BEND3: variants seen among roughly 807,000 people sequenced by gnomAD.
BEND3 encodes the protein BEN domain containing 3.
In BEND3, 13 loss-of-function variants were observed where a neutral mutation model predicts 60.1. The ratio of observed to expected loss-of-function variants is 0.22; its 90% CI spans 0.14 to 0.34. BEND3 has a LOEUF of 0.34. Ranked by LOEUF, BEND3 falls within the 10% of genes least tolerant of loss-of-function variation. The probability of loss-of-function intolerance (pLI) is 1.00; values close to 1 mark genes in which losing one functional copy is unlikely to be tolerated. For synonymous variants in BEND3, 497 were observed against 491.5 expected (o/e 1.01, Z -0.15); for missense variants, 896 against 1,138.1 (o/e 0.79, Z 3.06).
intron 3 of BEND3, among the ~76,000 whole-genome samples, chr6:107,075,201 A>G (rs311233): frequency 0.83 from 125,380 of 151,896 alleles, 51,802 homozygotes; most frequent in East Asian, 0.89. Context: ...ACCATAGCTT[A>G]GGCGACAGAG....
At chr6:107,089,626 G>A (rs898336749) in intron 3 of BEND3, among the ~76,000 whole-genome samples, 2 of 121,630 alleles carry the variant, frequency 1.6e-5, no homozygotes, top group Non-Finnish European at 3.5e-5. Context: ...ACAGAGTCTC[G>A]CTCTGTCACC....
chr6:107,073,523 G>A (rs1436008535), intron 3 of BEND3, among the ~76,000 whole-genome samples: 1 of 151,966 alleles, frequency 6.6e-6, no homozygotes, highest in Admixed American at 6.6e-5. Context: ...AGTGCCCAGG[G>A]TACAGAAGAG....
In BEND3 at chr6:107,086,765, G is replaced by A. The variant is rs149364335; in HGVS notation, c.240+11786C>T. On this transcript the variant is annotated intron_variant, in intron 3 of 3. Coordinates refer to ENST00000369042, the MANE Select transcript of BEND3 (RefSeq NM_001367314.1). ...AAACTGGCTGGGCACAGTGGCTCAC[G>A]CCTGTAATCCCAGCACTTTGGGAGG... 6.7e-3 allele frequency among the ~76,000 whole-genome samples: 1,014 copies of A among 151,748 alleles called. 13 individuals are homozygous for A. The highest frequency in any genetic ancestry group is 0.024 in the African/African-American group (973 of 41,372).
intron 3 of BEND3, among the ~76,000 whole-genome samples, chr6:107,076,273 T>C (rs1775097408): frequency 6.6e-6 from 1 of 152,170 alleles, no homozygotes; most frequent in Admixed American, 6.5e-5. Flanking sequence ...CTGTGCTACT[T>C]GGCACTGGGT....
rs782303650 is a variant in BEND3 at position 107,069,767 on chromosome 6, C to T, written c.1424G>A (p.Arg475His). 6.8e-6 allele frequency: 11 copies of T among 1,612,756 alleles called. No individual in the cohort carries two copies. The highest frequency in any genetic ancestry group is 4.5e-5 in the East Asian group (2 of 44,864). Residue 475 changes from arginine (R) to histidine (H), a missense_variant, in exon 4 of 4, where the codon CGC becomes CAC. By Grantham distance (29) the Arg-to-His change is conservative. This residue lies in a region of BEND3 where 846 missense variants were observed against 1,036.7 expected (regional missense o/e 0.82). Transcript: ENST00000369042. Reference sequence around the variant, plus strand: ...CAGGCCCTCGAGCTCGTCGTTGATGCGCTGGGCACACTGCTGCAGCCAGGC... The same window carrying T: ...CAGGCCCTCGAGCTCGTCGTTGATGTGCTGGGCACACTGCTGCAGCCAGGC... ...EEAWLQQCAQ[R>H]INDELEGLGL...
chr6:107,085,465 G>T (rs1775324835), intron 3 of BEND3, among the ~76,000 whole-genome samples: 1 of 151,912 alleles, frequency 6.6e-6, no homozygotes, highest in African/African-American at 2.4e-5. Flanking sequence ...CTTTTCTTTT[G>T]TTTTTTCTTT....
intron 1 of BEND3, chr6:107,114,132 T>C (rs1554238923): frequency 6.6e-6 from 1 of 152,182 alleles, no homozygotes; most frequent in African/African-American, 2.4e-5. Context: ...AATAGCTACA[T>C]AGGGAGACGT....
chr6:107,093,189 G>A (rs1554235471), intron 3 of BEND3, among the ~76,000 whole-genome samples: 1 of 152,160 alleles, frequency 6.6e-6, no homozygotes. Flanking sequence ...TGAAAGAAAA[G>A]AACACAGTTG....
intron 1 of BEND3, among the ~76,000 whole-genome samples, chr6:107,111,938 CGCCACTGCACTCCA>C (rs1554238463): frequency 6.7e-6 from 1 of 149,366 alleles, no homozygotes; most frequent in Non-Finnish European, 1.5e-5. Flanking sequence ...GCCGAGATCG[CGCCACTGCACTCCA>C]GCCTGGGCAC....
rs782806092 is a variant in BEND3 at position 107,070,086 on chromosome 6, G to C, written c.1105C>G (p.Leu369Val). The change falls in exon 4 of 4, where the codon CTG (leucine) becomes GTG (valine). Residue 369 changes from leucine (L) to valine (V), a missense_variant. Leu to Val is a conservative substitution (Grantham distance 32). This residue lies in a region of BEND3 where 846 missense variants were observed against 1,036.7 expected (regional missense o/e 0.82). Coordinates refer to ENST00000369042, the MANE Select transcript of BEND3 (RefSeq NM_001367314.1). The surrounding 1 kb of genome is among the most constrained non-coding windows in gnomAD (Gnocchi z 6.9). ...GCCTCCTCCTGGTCTTTGTTGTCCA[G>C]GAAGTGGCCGGGGTCCACCTGCTCT... Reference protein sequence around the residue: ...EAEQVDPGHFLDNKDQEEALS... With the variant: ...EAEQVDPGHFVDNKDQEEALS... 6.8e-6 allele frequency: 11 copies of C among 1,613,536 alleles called. No individual in the cohort carries two copies. In the South Asian group the frequency reaches 9.9e-5, roughly 14 times the overall value.
intron 1 of BEND3, among the ~76,000 whole-genome samples, chr6:107,113,527 C>A (rs1442694503): frequency 6.6e-6 from 1 of 151,538 alleles, no homozygotes; most frequent in Non-Finnish European, 1.5e-5. Context: ...CACCAGCTAA[C>A]CCAGCAGCAG....
chr6:107,112,049 A>G (rs940474363), intron 1 of BEND3, among the ~76,000 whole-genome samples: 9 of 152,104 alleles, frequency 5.9e-5, no homozygotes, highest in African/African-American at 2.2e-4. Flanking sequence ...CCTCCCATAT[A>G]CAAACACCAA....
chr6:107,104,289 CAAA>C (rs34091506), intron 1 of BEND3, among the ~76,000 whole-genome samples: 23 of 101,608 alleles, frequency 2.3e-4, no homozygotes, highest in Admixed American at 3.0e-4. Flanking sequence ...GACTCCGTCT[CAAA>C]AAAAAAAAAA....
chr6:107,105,903 G>T (rs1234762871), intron 1 of BEND3, among the ~76,000 whole-genome samples: 3 of 152,164 alleles, frequency 2.0e-5, no homozygotes, highest in African/African-American at 7.2e-5. Flanking sequence ...ACTACCAGAA[G>T]ATTCCCTTGA....
In BEND3 at chr6:107,069,662, A is replaced by G; in HGVS notation, c.1529T>C (p.Val510Ala). 7.5e-6 allele frequency: 12 copies of G among 1,609,900 alleles called. No homozygotes were observed. Among genetic ancestry groups the G allele is most frequent in the Non-Finnish European group, 1.0e-5 (12 of 1,179,980 alleles). ...CTCGAAGCTGTCCTCCACCTTGACC[A>G]CTGAGATGTCGTCGGGCAGACTGGA... is the stretch of plus-strand genomic sequence containing the variant. ...DSSSLPDDIS[V>A]VKVEDSFEGE... Residue 510 changes from valine to alanine, a missense_variant, in exon 4 of 4, where the codon GTG becomes GCG. By Grantham distance (64) the Val-to-Ala change is moderately conservative (BLOSUM62 0). Coordinates refer to ENST00000369042, the MANE Select transcript of BEND3 (RefSeq NM_001367314.1).
chr6:107,078,861 C>T lies in BEND3; in HGVS notation c.241-7911G>A, dbSNP rs117716442. Reference sequence around the variant, plus strand: ...TATGGAAGTGCTGGGTAGAGAAGGGCGGGTCCCTGGCTAGGGCTCCACCCT... The same window carrying T: ...TATGGAAGTGCTGGGTAGAGAAGGGTGGGTCCCTGGCTAGGGCTCCACCCT... On this transcript the variant is annotated intron_variant, in intron 3 of 3. Transcript: ENST00000369042. Among the ~76,000 whole-genome samples, 536 of 151,858 alleles carry T rather than the reference C, an allele frequency of 3.5e-3. 12 individuals are homozygous for T. In the East Asian group the frequency reaches 0.056, roughly 16 times the overall value.
intron 1 of BEND3, among the ~76,000 whole-genome samples, chr6:107,113,568 A>G (rs1053286673): frequency 1.3e-5 from 2 of 152,028 alleles, no homozygotes; most frequent in African/African-American, 4.8e-5. Context: ...TCTTTCCTCT[A>G]GAATCCAAGA....
chr6:107,069,688 G>A lies in BEND3; in HGVS notation c.1503C>T (p.Ser501=), dbSNP rs563761699. 11 of 1,609,838 alleles carry A rather than the reference G, an allele frequency of 6.8e-6. No individual in the cohort carries two copies. In the South Asian group the frequency reaches 1.1e-4, roughly 16 times the overall value. The stretch of plus-strand genomic sequence containing the variant: ...CTGAGATGTCGTCGGGCAGACTGGA[G>A]GAGTCGTAGCAGTCATCACGCGGGG... ...GDPPRDDCYD[S]SSLPDDISVV... The change falls in exon 4 of 4, where the codon TCC becomes TCT. Residue 501 remains serine (S), a synonymous_variant. Coordinates refer to ENST00000369042, the MANE Select transcript of BEND3 (RefSeq NM_001367314.1).
At chr6:107,080,354 C>CAAAAAA (rs11402351) in intron 3 of BEND3, among the ~76,000 whole-genome samples, 371 of 83,150 alleles carry the variant, frequency 4.5e-3, no homozygotes, top group Middle Eastern at 9.1e-3. Context: ...GATCCCATCT[C>CAAAAAA]AAAAAAAAAA....
Sources: gnomAD v4.1 joint callset for allele counts (sites outside exome capture counted in the v4.1 genomes callset) on GRCh38, gnomAD v4.1.1 for gene constraint, gnomAD v4.1.1 regional missense constraint, Gnocchi (gnomAD v3.1) non-coding constraint, MANE v1.5 for transcripts, NCBI Gene and HGNC (gene_info 2026-07-23, HGNC 2026-07-21) for gene names.